The following ABCB5 variants were observed in gnomAD, a reference collection of about 807,000 sequenced individuals.
The protein encoded by ABCB5 is ATP-binding cassette sub-family B member 5.
In ABCB5, 155 loss-of-function variants were observed where a neutral mutation model predicts 144.2. That is an observed-to-expected ratio of 1.08 (90% CI 0.94 to 1.23). The LOEUF is 1.23. Among genes scored for constraint, ABCB5 ranks in the 50% most tolerant of loss-of-function variants. The probability of loss-of-function intolerance (pLI) is 0.00; values close to 1 mark genes in which losing one functional copy is unlikely to be tolerated. For missense variants in ABCB5, 1,830 were observed against 1,520.8 expected (o/e 1.20, Z -3.38); for synonymous variants, 610 against 528.6 (o/e 1.15, Z -2.11).
chr7:20,755,625 T>A lies in ABCB5; in HGVS notation c.*1T>A. 6.2e-7 allele frequency: 1 copy of A among 1,613,564 alleles called. No homozygotes were observed. The highest frequency in any genetic ancestry group is 8.5e-7 in the Non-Finnish European group (1 of 1,179,710). ...AGTGAATGCACAGTCAGTGCAGTGA[T>A]GCTGTTGAGGTAGCACATATTTTGA... On this transcript the variant is annotated 3_prime_UTR_variant, in exon 28 of 28. Transcript: ENST00000404938.
At chr7:20,645,148 G>T in intron 7 of ABCB5, among the ~76,000 whole-genome samples, 1 of 152,228 alleles carries the variant, frequency 6.6e-6, no homozygotes, top group Non-Finnish European at 1.5e-5. Context: ...AGAGTGGATG[G>T]CTTCTAGCTT....
chr7:20,696,854 AATC>A lies in ABCB5; in HGVS notation c.2011-1552_2011-1550del, dbSNP rs150721491. 7.6e-3 allele frequency among the ~76,000 whole-genome samples: 1,161 copies of A among 152,126 alleles called. 25 individuals carry two copies. The highest frequency in any genetic ancestry group is 0.027 in the African/African-American group (1,109 of 41,524). ...ACACTATTTAAATGATACCATTTTA[AATC>A]TTTTATTGTGTATTTTCCCAGAGGC... On this transcript the variant is annotated intron_variant, in intron 16 of 27. Transcript: ENST00000404938.
At chr7:20,625,712 T>C (rs1014448905) in intron 2 of ABCB5, among the ~76,000 whole-genome samples, 8 of 152,148 alleles carry the variant, frequency 5.3e-5, no homozygotes, top group South Asian at 2.1e-4. Flanking sequence ...GAATGTAAAA[T>C]GGTGCAGTTG....
intron 16 of ABCB5, among the ~76,000 whole-genome samples, chr7:20,692,775 C>A (rs1474682756): frequency 6.6e-6 from 1 of 151,904 alleles, no homozygotes; most frequent in African/African-American, 2.4e-5. Flanking sequence ...TGGTATATAA[C>A]ATTGTCTGAA....
intron 14 of ABCB5, among the ~76,000 whole-genome samples, chr7:20,676,167 TACAC>T (rs60855145): frequency 1.6e-3 from 203 of 124,586 alleles, no homozygotes; most frequent in Non-Finnish European, 1.9e-3. Flanking sequence ...CTACTACACA[TACAC>T]ACACACACAC....
At position 20,628,844 on chromosome 7, in the gene ABCB5, T is replaced by A. The variant is rs374978185; in HGVS notation, c.259+6T>A. ...TCTAGTCCAAACTAACACAAGTGAG[T>A]ATACGATTATTTTTCTGTATCACTT... On this transcript the variant is annotated splice_donor_region_variant and intron_variant, in intron 4 of 27. Coordinates refer to ENST00000404938, the MANE Select transcript of ABCB5 (RefSeq NM_001163941.2). 214 of 1,612,896 alleles carry A rather than the reference T, an allele frequency of 1.3e-4. No individual in the cohort carries two copies. Among genetic ancestry groups the A allele is most frequent in the Admixed American group, 8.3e-5 (5 of 59,918 alleles).
intron 1 of ABCB5, among the ~76,000 whole-genome samples, chr7:20,617,302 T>G (rs1783709288): frequency 6.6e-6 from 1 of 152,178 alleles, no homozygotes; most frequent in Non-Finnish European, 1.5e-5. Context: ...TCCAGTGCAT[T>G]TCTTTAGATT....
chr7:20,639,549 A>T (rs1176237972), intron 5 of ABCB5, among the ~76,000 whole-genome samples: 2 of 151,836 alleles, frequency 1.3e-5, no homozygotes, highest in Admixed American at 6.6e-5. Context: ...GTTTAAATTT[A>T]TTTTTTTTGC....
At chr7:20,620,370 A>C (rs1312734217) in intron 1 of ABCB5, among the ~76,000 whole-genome samples, 2 of 152,162 alleles carry the variant, frequency 1.3e-5, no homozygotes, top group Non-Finnish European at 1.5e-5. Flanking sequence ...GATGCCAAAA[A>C]CACACACAAA....
intron 26 of ABCB5, among the ~76,000 whole-genome samples, chr7:20,748,836 C>G (rs1402724597): frequency 6.6e-6 from 1 of 152,010 alleles, no homozygotes; most frequent in Non-Finnish European, 1.5e-5. Flanking sequence ...ATATGTAAAA[C>G]AGGCATAGGA....
intron 23 of ABCB5, among the ~76,000 whole-genome samples, chr7:20,729,480 A>G (rs28647287): frequency 0.11 from 16,195 of 152,216 alleles, 970 homozygotes; most frequent in Non-Finnish European, 0.13. Context: ...GTGGTGTCCC[A>G]GTGAGGCTGC....
intron 13 of ABCB5, among the ~76,000 whole-genome samples, chr7:20,655,739 T>C (rs1433973694): frequency 2.0e-5 from 3 of 152,252 alleles, no homozygotes; most frequent in Admixed American, 6.5e-5. Flanking sequence ...CAAGTTGATA[T>C]ATAAATATTG....
chr7:20,618,024 AC>A (rs1373193486), intron 1 of ABCB5, among the ~76,000 whole-genome samples: 1 of 152,196 alleles, frequency 6.6e-6, no homozygotes, highest in Non-Finnish European at 1.5e-5. Flanking sequence ...CTTTAAGATT[AC>A]CCTTTTTTGC....
intron 20 of ABCB5, among the ~76,000 whole-genome samples, chr7:20,706,496 T>C (rs1786827898): frequency 6.6e-6 from 1 of 152,224 alleles, no homozygotes; most frequent in East Asian, 1.9e-4. Flanking sequence ...GTATTGTCCC[T>C]GAGGGAAATT....
At position 20,756,169 on chromosome 7, in the gene ABCB5, C is replaced by G. The variant is rs978382466; in HGVS notation, c.*545C>G. 7 of 152,794 alleles carry G rather than the reference C, an allele frequency of 4.6e-5. No individual in the cohort carries two copies. Among genetic ancestry groups the G allele is most frequent in the African/African-American group, 1.7e-4 (7 of 41,374 alleles). 9.5% of individuals were successfully genotyped at this position (152,794 alleles called of 1,614,324 possible). A position where few individuals can be genotyped will look rare whatever the true frequency, so the allele number is the denominator to read the frequency against. On this transcript the variant is annotated 3_prime_UTR_variant, in exon 28 of 28. Transcript: ENST00000404938. Reference sequence around the variant, plus strand: ...AATTTTATTCTATTTTTTTGTTGAGCAGGGAATAGAAAGGATTACGATGTA... The same window carrying G: ...AATTTTATTCTATTTTTTTGTTGAGGAGGGAATAGAAAGGATTACGATGTA...
At chr7:20,668,520 G>A (rs866710299) in intron 14 of ABCB5, among the ~76,000 whole-genome samples, 2 of 151,594 alleles carry the variant, frequency 1.3e-5, no homozygotes, top group African/African-American at 4.9e-5. Context: ...GAGCCCCTCC[G>A]TCCGGCAGCC....
chr7:20,663,589 G>A (rs993503328), intron 14 of ABCB5, among the ~76,000 whole-genome samples: 9 of 152,126 alleles, frequency 5.9e-5, no homozygotes, highest in African/African-American at 9.7e-5. Flanking sequence ...TGGGGGATGG[G>A]AAAGCGGGGA....
intron 9 of ABCB5, chr7:20,647,255 G>A: frequency 1.8e-6 from 2 of 1,128,182 alleles, no homozygotes; most frequent in Non-Finnish European, 2.2e-6. Context: ...ACACATCCCA[G>A]CATGTGATAA....
In ABCB5 at chr7:20,728,475, C is replaced by T. The variant is rs746100829; in HGVS notation, c.2867+20C>T. ...GTTCATGTAAGTCGTGGAAATAGTCCGGACCTGGTAGCTCACACCTGTAAT... is the reference window on the plus strand; with the variant it reads ...GTTCATGTAAGTCGTGGAAATAGTCTGGACCTGGTAGCTCACACCTGTAAT... On this transcript the variant is annotated intron_variant, in intron 23 of 27. Transcript: ENST00000404938. 1.9e-5 allele frequency: 30 copies of T among 1,611,912 alleles called. No individual in the cohort carries two copies. The highest frequency in any genetic ancestry group is 1.6e-4 in the Middle Eastern group (1 of 6,074).
Sources: gnomAD v4.1 joint callset for allele counts (sites outside exome capture counted in the v4.1 genomes callset) on GRCh38, gnomAD v4.1.1 for gene constraint, MANE v1.5 for transcripts, NCBI Gene and HGNC (gene_info 2026-07-23, HGNC 2026-07-21) for gene names.